DUSP10: variants seen among roughly 807,000 people sequenced by gnomAD.
The protein encoded by DUSP10 is dual specificity phosphatase 10.
Under a neutral mutation model 30.8 loss-of-function variants are expected in DUSP10, and 14 were observed. The observed-to-expected ratio is 0.46, with a 90% CI of 0.30 to 0.71. The LOEUF (loss-of-function observed/expected upper bound fraction) is 0.71, where lower values mean the gene tolerates loss of function less well. Ranked by LOEUF, DUSP10 falls within the 30% of genes least tolerant of loss-of-function variation. The probability of loss-of-function intolerance (pLI) is 0.08; values close to 1 mark genes in which losing one functional copy is unlikely to be tolerated. For missense variants in DUSP10, 550 were observed against 619.4 expected (o/e 0.89, Z 1.19); for synonymous variants, 254 against 250.4 (o/e 1.01, Z -0.14).
intron 2 of DUSP10, among the ~76,000 whole-genome samples, chr1:221,727,400 A>T (rs1661454874): frequency 6.6e-6 from 1 of 152,236 alleles, no homozygotes; most frequent in Admixed American, 6.5e-5. Context: ...GAGTTAGGAA[A>T]CATGAATCCT....
intron 2 of DUSP10, among the ~76,000 whole-genome samples, chr1:221,735,268 A>G (rs1312805285): frequency 6.6e-6 from 1 of 152,192 alleles, no homozygotes; most frequent in East Asian, 1.9e-4. Context: ...AAGTAGAGGC[A>G]TGGGCTCTGA....
At chr1:221,735,399 T>C (rs543142256) in intron 2 of DUSP10, among the ~76,000 whole-genome samples, 1 of 152,302 alleles carries the variant, frequency 6.6e-6, no homozygotes, top group Admixed American at 6.5e-5. Context: ...GATTCGAAGT[T>C]GAAAAGCACT....
intron 2 of DUSP10, among the ~76,000 whole-genome samples, chr1:221,717,226 A>G (rs1030538798): frequency 1.3e-5 from 2 of 152,146 alleles, no homozygotes; most frequent in African/African-American, 4.8e-5. Context: ...CAGGGAACTC[A>G]GGGAACCTCT....
intron 2 of DUSP10, among the ~76,000 whole-genome samples, chr1:221,708,086 G>A (rs2102616534): frequency 1.3e-5 from 2 of 152,298 alleles, no homozygotes; most frequent in East Asian, 3.9e-4. Flanking sequence ...ATACACTCTG[G>A]CTTTCCCTTT....
chr1:221,720,545 CAG>C (rs1425171867), intron 2 of DUSP10, among the ~76,000 whole-genome samples: 1 of 152,064 alleles, frequency 6.6e-6, no homozygotes, highest in Non-Finnish European at 1.5e-5. Context: ...GATTTATAAA[CAG>C]TGTGGGGAAG....
rs923212701 is a variant in DUSP10 at position 221,702,730 on chromosome 1, C to A, written c.1184-53G>T. On this transcript the variant is annotated intron_variant, in intron 3 of 3. Transcript: ENST00000366899. The surrounding 1 kb of genome is among the most constrained non-coding windows in gnomAD (Gnocchi z 4.5). Reference sequence around the variant, plus strand: ...GAAGGGAAGATGGAAGAGAGAGGCACGGAGAGAGAAACTTTCATCTCAACT... The same window carrying A: ...GAAGGGAAGATGGAAGAGAGAGGCAAGGAGAGAGAAACTTTCATCTCAACT... 1.3e-6 allele frequency: 2 copies of A among 1,579,210 alleles called. No individual in the cohort carries two copies. The highest frequency in any genetic ancestry group is 1.1e-5 in the South Asian group (1 of 88,324).
At chr1:221,710,160 GTATTCGATAAA>G (rs1266684973) in intron 2 of DUSP10, among the ~76,000 whole-genome samples, 1 of 152,110 alleles carries the variant, frequency 6.6e-6, no homozygotes, top group African/African-American at 2.4e-5. Flanking sequence ...ACACGACCAG[GTATTCGATAAA>G]TAATGTCTTA....
At chr1:221,722,129 C>T (rs1475592835) in intron 2 of DUSP10, among the ~76,000 whole-genome samples, 3 of 152,210 alleles carry the variant, frequency 2.0e-5, no homozygotes, top group African/African-American at 4.8e-5. Context: ...TGAAACCACA[C>T]GATCATATCA....
intron 2 of DUSP10, among the ~76,000 whole-genome samples, chr1:221,722,350 G>C (rs192493977): frequency 2.0e-5 from 3 of 152,136 alleles, no homozygotes; most frequent in Non-Finnish European, 4.4e-5. Context: ...AGTTGGTTCT[G>C]ATGAATTTGC....
At chr1:221,713,653 T>C (rs1661011969) in intron 2 of DUSP10, among the ~76,000 whole-genome samples, 1 of 152,226 alleles carries the variant, frequency 6.6e-6, no homozygotes, top group Non-Finnish European at 1.5e-5. Flanking sequence ...TCTACAACTA[T>C]AACTGCATTA....
intron 2 of DUSP10, among the ~76,000 whole-genome samples, chr1:221,721,293 A>G (rs1189143843): frequency 6.6e-6 from 1 of 152,246 alleles, no homozygotes; most frequent in African/African-American, 2.4e-5. Context: ...GTTCAGCATT[A>G]TGCTATGGAT....
intron 2 of DUSP10, among the ~76,000 whole-genome samples, chr1:221,714,419 T>G (rs1044849013): frequency 6.6e-6 from 1 of 152,202 alleles, no homozygotes; most frequent in African/African-American, 2.4e-5. Flanking sequence ...AAGAATTACC[T>G]GCGACTAGAC....
In DUSP10 at chr1:221,702,998, AC is replaced by A. The variant is rs1660651095; in HGVS notation, c.1184-322del. On this transcript the variant is annotated intron_variant, in intron 3 of 3. Coordinates refer to ENST00000366899, the MANE Select transcript of DUSP10 (RefSeq NM_007207.6). This position sits in a 1 kb window ranked among gnomAD's most constrained non-coding sequence, Gnocchi z 4.5. Reference sequence around the variant, plus strand: ...GGAAGCCAGACCTATAACACAGTTAACTTTCACGTTGAACAAGCTACTGATC... The same window carrying A: ...GGAAGCCAGACCTATAACACAGTTAATTTCACGTTGAACAAGCTACTGATC... Among the ~76,000 whole-genome samples the A allele has an allele frequency of 6.6e-6, 1 of 152,196 alleles. No homozygotes were observed. Among genetic ancestry groups the A allele is most frequent in the Non-Finnish European group, 1.5e-5 (1 of 68,030 alleles).
At chr1:221,722,227 C>T (rs568242280) in intron 2 of DUSP10, among the ~76,000 whole-genome samples, 93 of 152,330 alleles carry the variant, frequency 6.1e-4, no homozygotes, top group African/African-American at 1.8e-3. Flanking sequence ...AGCAATAGCA[C>T]GCTATAACGC....
chr1:221,706,582 T>C lies in DUSP10; in HGVS notation c.812-116A>G, dbSNP rs1660769149. The C allele has an allele frequency of 1.7e-5, 11 of 663,230 alleles. No individual in the cohort carries two copies. The South Asian group carries it at 2.5e-4, about 15-fold the overall frequency. The allele number at this position is 663,230 out of a possible 1,614,324, so 41.1% of individuals were successfully genotyped here. On this transcript the variant is annotated intron_variant, in intron 2 of 3. Transcript: ENST00000366899. This position sits in a 1 kb window ranked among gnomAD's most constrained non-coding sequence, Gnocchi z 4.6. ...CTCATGCATATTTTAAATACATATA[T>C]AAATATGTATTTAAGCAAAAAAAAT...
chr1:221,735,717 A>T (rs1460068852), intron 2 of DUSP10, among the ~76,000 whole-genome samples: 1 of 152,206 alleles, frequency 6.6e-6, no homozygotes, highest in African/African-American at 2.4e-5. Flanking sequence ...AAAAAGGGGC[A>T]GTAGACTATT....
At chr1:221,714,683 C>T (rs970658524) in intron 2 of DUSP10, among the ~76,000 whole-genome samples, 10 of 152,208 alleles carry the variant, frequency 6.6e-5, no homozygotes, top group African/African-American at 2.2e-4. Context: ...CCTTTTTCCT[C>T]TGGGAAGTCA....
intron 2 of DUSP10, among the ~76,000 whole-genome samples, chr1:221,723,388 T>C (rs1661334149): frequency 6.6e-6 from 1 of 152,154 alleles, no homozygotes; most frequent in Non-Finnish European, 1.5e-5. Flanking sequence ...AATACATACA[T>C]CCAAATAAAA....
Position 221,702,276 on chromosome 1 carries a change from G to T in DUSP10, c.*136C>A. 1.0e-6 allele frequency: 1 copy of T among 1,002,794 alleles called. No individual in the cohort carries two copies. Among genetic ancestry groups the T allele is most frequent in the Non-Finnish European group, 1.5e-6 (1 of 682,854 alleles). The allele number at this position is 1,002,794 out of a possible 1,614,324, so 62.1% of individuals were successfully genotyped here. On this transcript the variant is annotated 3_prime_UTR_variant, in exon 4 of 4. Transcript: ENST00000366899. This position sits in a 1 kb window ranked among gnomAD's most constrained non-coding sequence, Gnocchi z 4.5. ...TTCTTACACTTGTTAAAAATAAAGTGTTTAAACAAGTTTGTTTCCATTCAC... is the reference window on the plus strand; with the variant it reads ...TTCTTACACTTGTTAAAAATAAAGTTTTTAAACAAGTTTGTTTCCATTCAC...
Sources: gnomAD v4.1 joint callset for allele counts (sites outside exome capture counted in the v4.1 genomes callset) on GRCh38, gnomAD v4.1.1 for gene constraint, Gnocchi (gnomAD v3.1) non-coding constraint, MANE v1.5 for transcripts, NCBI Gene and HGNC (gene_info 2026-07-23, HGNC 2026-07-21) for gene names.